COL14A1: variants seen among roughly 807,000 people sequenced by gnomAD.
COL14A1 encodes collagen type XIV alpha 1 chain, also known as collagen alpha-1(XIV) chain.
In COL14A1, 136 loss-of-function variants were observed where a neutral mutation model predicts 230.3. The ratio of observed to expected loss-of-function variants is 0.59; its 90% CI spans 0.51 to 0.68. The LOEUF is 0.68. Ranked by LOEUF, COL14A1 falls within the 30% of genes least tolerant of loss-of-function variation. The probability of loss-of-function intolerance (pLI) is 0.00; values close to 1 mark genes in which losing one functional copy is unlikely to be tolerated. For missense variants in COL14A1, 1,976 were observed against 2,215.8 expected, an observed-to-expected ratio of 0.89 and a Z score of 2.17; for synonymous variants, 792 against 784.1, an observed-to-expected ratio of 1.01 and a Z score of -0.17.
At chr8:120,315,160 A>G (rs1318060255) in intron 38 of COL14A1, among the ~76,000 whole-genome samples, 1 of 152,154 alleles carries the variant, frequency 6.6e-6, no homozygotes, top group Non-Finnish European at 1.5e-5. Flanking sequence ...ACCTGAAGTC[A>G]GGAGCTTGAG....
At chr8:120,145,502 C>A (rs1815062786) in intron 1 of COL14A1, among the ~76,000 whole-genome samples, 1 of 152,096 alleles carries the variant, frequency 6.6e-6, no homozygotes, top group South Asian at 2.1e-4. Context: ...GCCTGTAATC[C>A]CAGCTACTTG....
Position 120,372,928 on chromosome 8 carries a change from T to C in COL14A1, c.*1697T>C, listed in dbSNP as rs12545308. 0.76 allele frequency among the ~76,000 whole-genome samples: 115,351 copies of C among 152,018 alleles called. 46,048 individuals carry two copies. Among genetic ancestry groups the C allele is most frequent in the Non-Finnish European group, 0.89 (60,366 of 68,016 alleles). ...ATCAGCAGCCATTTCCTTTCAGTTA[T>C]GGTATATGATTCTGCCTGAGAAAGC... On this transcript the variant is annotated 3_prime_UTR_variant, in exon 48 of 48. Transcript: ENST00000297848.
intron 6 of COL14A1, among the ~76,000 whole-genome samples, 185 bp from the exon 7 acceptor site, chr8:120,197,626 G>A (rs1236405002): frequency 6.6e-6 from 1 of 151,728 alleles, no homozygotes; most frequent in Admixed American, 6.6e-5. Context: ...CTCAACCCCC[G>A]TATATGTCTA....
chr8:120,228,133 C>T lies in COL14A1; in HGVS notation c.2138-577C>T, dbSNP rs553726110. ...TCGCTGGAGGTGAGCCATTCCCTGA[C>T]AGAGGCCATGAACTCAGGCGAGACA... is the stretch of plus-strand genomic sequence containing the variant. On this transcript the variant is annotated intron_variant, in intron 17 of 47. Coordinates refer to ENST00000297848, the MANE Select transcript of COL14A1 (RefSeq NM_021110.4). Among the ~76,000 whole-genome samples the T allele has an allele frequency of 3.3e-5, 5 of 152,220 alleles. No homozygotes were observed. The East Asian group carries it at 7.7e-4, about 24-fold the overall frequency.
At chr8:120,353,866 T>C (rs1822868475) in intron 45 of COL14A1, among the ~76,000 whole-genome samples, 2 of 151,776 alleles carry the variant, frequency 1.3e-5, no homozygotes, top group African/African-American at 4.9e-5. Context: ...GGAGATACCA[T>C]TTGACCCAGC....
chr8:120,191,666 T>A lies in COL14A1; in HGVS notation c.437-5125T>A, dbSNP rs866363466. Among the ~76,000 whole-genome samples, 401 of 151,664 alleles carry A rather than the reference T, an allele frequency of 2.6e-3. 3 individuals are homozygous for A. Among genetic ancestry groups the A allele is most frequent in the African/African-American group, 8.8e-3 (365 of 41,314 alleles). On this transcript the variant is annotated intron_variant, in intron 5 of 47. Transcript: ENST00000297848. ...GGGGTGTTAAAGTCTCCCATTATTA[T>A]TGTGTGGGAGTCTAAGTCTCTTTGT...
chr8:120,311,422 A>G (rs1389195693), intron 37 of COL14A1, among the ~76,000 whole-genome samples: 1 of 152,182 alleles, frequency 6.6e-6, no homozygotes. Context: ...ATGAGTTCGT[A>G]GATGTTTGGT....
In COL14A1 at chr8:120,280,754, G is replaced by T; in HGVS notation, c.3685+5G>T. On this transcript the variant is annotated splice_donor_5th_base_variant and intron_variant, in intron 30 of 47. Transcript: ENST00000297848. The stretch of plus-strand genomic sequence containing the variant: ...AGGATGGCATTGATCTTGCAGGTAT[G>T]CATTATCACAATCTTTTCAAACACA... 1 of 1,612,830 alleles carries T rather than the reference G, an allele frequency of 6.2e-7. No individual in the cohort carries two copies. The highest frequency in any genetic ancestry group is 8.5e-7 in the Non-Finnish European group (1 of 1,179,540).
chr8:120,347,449 T>G (rs2130297235), intron 45 of COL14A1, among the ~76,000 whole-genome samples: 1 of 152,222 alleles, frequency 6.6e-6, no homozygotes, highest in East Asian at 1.9e-4. Flanking sequence ...AAGGGTGTGA[T>G]TTTGCGATGA....
At chr8:120,287,738 G>C (rs993108549) in intron 33 of COL14A1, among the ~76,000 whole-genome samples, 2 of 151,910 alleles carry the variant, frequency 1.3e-5, no homozygotes, top group African/African-American at 4.8e-5. Context: ...ATTCAAAAAA[G>C]GCTTCTCATG....
At chr8:120,238,720 C>T (rs1818527670) in intron 19 of COL14A1, among the ~76,000 whole-genome samples, 1 of 152,136 alleles carries the variant, frequency 6.6e-6, no homozygotes, top group African/African-American at 2.4e-5. Flanking sequence ...TGCTTGAAAC[C>T]CAGGGCCCTG....
intron 1 of COL14A1, among the ~76,000 whole-genome samples, chr8:120,131,779 CT>C (rs1292680581): frequency 6.6e-6 from 1 of 150,848 alleles, no homozygotes; most frequent in African/African-American, 2.4e-5. Flanking sequence ...CATAGATTCA[CT>C]GCCAAAGCCT....
At chr8:120,227,563 C>A (rs1818138356) in intron 17 of COL14A1, among the ~76,000 whole-genome samples, 1 of 152,168 alleles carries the variant, frequency 6.6e-6, no homozygotes, top group Non-Finnish European at 1.5e-5. Flanking sequence ...AGGCAGGGAC[C>A]ATATCTGTGT....
rs1170751650 is a variant in COL14A1, at chr8:120,372,244, T to C, written c.*1013T>C. 1.3e-5 allele frequency among the ~76,000 whole-genome samples: 2 copies of C among 152,176 alleles called. No homozygotes were observed. Among genetic ancestry groups the C allele is most frequent in the Non-Finnish European group, 2.9e-5 (2 of 68,038 alleles). On this transcript the variant is annotated 3_prime_UTR_variant, in exon 48 of 48. Transcript: ENST00000297848. ...ACTTGGGACTAAGAGATTAGCGACA[T>C]TTTATTGTTCATTTATAATCTAGCA...
At chr8:120,329,252 G>A (rs187615042) in intron 40 of COL14A1, among the ~76,000 whole-genome samples, 5 of 152,174 alleles carry the variant, frequency 3.3e-5, no homozygotes, top group South Asian at 2.1e-4. Context: ...CTATTCATCC[G>A]TCACATACTC....
rs970710338 is a variant in COL14A1 at position 120,373,427 on chromosome 8, G to A, written c.*2196G>A. On this transcript the variant is annotated 3_prime_UTR_variant, in exon 48 of 48. Coordinates refer to ENST00000297848, the MANE Select transcript of COL14A1 (RefSeq NM_021110.4). Reference sequence around the variant, plus strand: ...AGTGTAACTCAGATTCTGGATGTTCGAGTTTACAATACATTGCCTGTAATA... The same window carrying A: ...AGTGTAACTCAGATTCTGGATGTTCAAGTTTACAATACATTGCCTGTAATA... 2.6e-5 allele frequency among the ~76,000 whole-genome samples: 4 copies of A among 152,108 alleles called. No homozygotes were observed. The highest frequency in any genetic ancestry group is 9.7e-5 in the African/African-American group (4 of 41,426).
intron 19 of COL14A1, among the ~76,000 whole-genome samples, chr8:120,240,193 TTCTC>T: frequency 6.6e-6 from 1 of 151,458 alleles, no homozygotes; most frequent in Non-Finnish European, 1.5e-5. Flanking sequence ...GTTTTTTTTT[TTCTC>T]TCTCTCTCTT....
At chr8:120,284,802 G>A (rs1820144296) in intron 32 of COL14A1, among the ~76,000 whole-genome samples, 1 of 151,898 alleles carries the variant, frequency 6.6e-6, no homozygotes, top group Admixed American at 6.6e-5. Context: ...GAAAACAGAG[G>A]TATTAATTTG....
intron 42 of COL14A1, among the ~76,000 whole-genome samples, chr8:120,336,929 C>T (rs934221846): frequency 6.6e-6 from 1 of 152,290 alleles, no homozygotes; most frequent in Non-Finnish European, 1.5e-5. Context: ...TGTAAAGCCA[C>T]CTGTCCCTTC....
Sources: gnomAD v4.1 joint callset for allele counts (sites outside exome capture counted in the v4.1 genomes callset) on GRCh38, gnomAD v4.1.1 for gene constraint, MANE v1.5 for transcripts, NCBI Gene and HGNC (gene_info 2026-07-23, HGNC 2026-07-21) for gene names.